Variants in HHAT observed in about 807,000 individuals in gnomAD.
The protein encoded by HHAT is hedgehog acyltransferase.
In HHAT, 47 loss-of-function variants were observed where a neutral mutation model predicts 70.8. The observed-to-expected ratio is 0.66, with a 90% CI of 0.53 to 0.85. The LOEUF is 0.85. Ranked by LOEUF, HHAT falls within the 40% of genes least tolerant of loss-of-function variation. The pLI, the probability that HHAT is intolerant of heterozygous loss-of-function variation, is 0.00. For missense variants in HHAT, 609 were observed against 604.8 expected (o/e 1.01, Z -0.07); for synonymous variants, 228 against 247.6 (o/e 0.92, Z 0.74).
chr1:210,368,578 A>G (rs1182171489), intron 3 of HHAT, among the ~76,000 whole-genome samples: 1 of 151,894 alleles, frequency 6.6e-6, no homozygotes, highest in Non-Finnish European at 1.5e-5. Context: ...GGCATGAGCC[A>G]CTGTGCCTGG....
chr1:210,628,961 G>A (rs1457184235), intron 11 of HHAT, among the ~76,000 whole-genome samples: 3 of 152,098 alleles, frequency 2.0e-5, no homozygotes, highest in Non-Finnish European at 4.4e-5. Flanking sequence ...TTTGTTTCGC[G>A]GTCTTTCCTA....
At chr1:210,398,820 A>G (rs1397329794) in intron 4 of HHAT, among the ~76,000 whole-genome samples, 1 of 152,200 alleles carries the variant, frequency 6.6e-6, no homozygotes, top group East Asian at 1.9e-4. Flanking sequence ...CTCTGCCCAG[A>G]GGTGAGGGTT....
At chr1:210,606,020 TA>T (rs953812023) in intron 10 of HHAT, among the ~76,000 whole-genome samples, 1 of 151,954 alleles carries the variant, frequency 6.6e-6, no homozygotes, top group Non-Finnish European at 1.5e-5. Flanking sequence ...CACACCTGGC[TA>T]ATTTTTTTTT....
At chr1:210,609,607 C>T in intron 10 of HHAT, among the ~76,000 whole-genome samples, 1 of 152,094 alleles carries the variant, frequency 6.6e-6, no homozygotes, top group East Asian at 1.9e-4. Flanking sequence ...CAGATCATCT[C>T]GTCTCCTAGG....
intron 8 of HHAT, among the ~76,000 whole-genome samples, chr1:210,477,855 C>T (rs746400099): frequency 2.0e-5 from 3 of 152,104 alleles, no homozygotes; most frequent in Non-Finnish European, 4.4e-5. Context: ...AATGGACTTG[C>T]AGAGGCTTGG....
At chr1:210,556,411 G>A (rs946944228) in intron 9 of HHAT, among the ~76,000 whole-genome samples, 2 of 152,124 alleles carry the variant, frequency 1.3e-5, no homozygotes, top group Admixed American at 6.5e-5. Flanking sequence ...ATATTTGTTA[G>A]GTGCATGAAT....
rs142953723 is a variant in HHAT at position 210,568,104 on chromosome 1, C to T, written c.1044-19794C>T. The stretch of plus-strand genomic sequence containing the variant: ...AGCCCCATCCCTCAACCTCTGGGAA[C>T]GGGAGAGTGGCTGAAGGTTAAGCTG... On this transcript the variant is annotated intron_variant, in intron 9 of 11. Coordinates refer to ENST00000261458, the MANE Select transcript of HHAT (RefSeq NM_018194.6). 6.0e-4 allele frequency among the ~76,000 whole-genome samples: 92 copies of T among 152,306 alleles called. No homozygotes were observed. The Middle Eastern group carries it at 0.017, about 28-fold the overall frequency.
chr1:210,400,644 G>C lies in HHAT; in HGVS notation c.450G>C (p.Gln150His). Residue 150 changes from glutamine (Q) to histidine (H), a missense_variant, in exon 5 of 12, where the codon CAG (glutamine) becomes CAC (histidine). By Grantham distance (24) the Gln-to-His change is conservative. Coordinates refer to ENST00000261458, the MANE Select transcript of HHAT (RefSeq NM_018194.6). ...TCCTCCTCTCCACACTGAGGCTGCA[G>C]GGTGTGGAAGAAGTTAAGGTAAGTG... ...SLLLLSTLRL[Q>H]GVEEVKRRWY... The C allele has an allele frequency of 3.7e-6, 6 of 1,612,978 alleles. No homozygotes were observed. Among genetic ancestry groups the C allele is most frequent in the Non-Finnish European group, 4.2e-6 (5 of 1,179,642 alleles).
intron 9 of HHAT, among the ~76,000 whole-genome samples, chr1:210,517,211 G>A (rs1302768075): frequency 1.3e-5 from 2 of 152,188 alleles, no homozygotes; most frequent in African/African-American, 4.8e-5. Context: ...TTTAAATTTA[G>A]CTTAGTTTAG....
chr1:210,631,224 C>T (rs1670802920), intron 11 of HHAT: 3 of 415,720 alleles, frequency 7.2e-6, no homozygotes, highest in Admixed American at 5.4e-5. Flanking sequence ...TCTCTCTCTG[C>T]TCTGTGAGGC....
intron 4 of HHAT, among the ~76,000 whole-genome samples, chr1:210,400,184 C>G (rs1019081085): frequency 4.6e-5 from 7 of 151,822 alleles, no homozygotes; most frequent in Non-Finnish European, 7.4e-5. Flanking sequence ...TTGTGTGACC[C>G]AGGGGTCTGG....
At position 210,420,675 on chromosome 1, in the gene HHAT, C is replaced by CAA. The variant is rs35291878; in HGVS notation, c.856+2360_856+2361dup. 2.1e-5 allele frequency among the ~76,000 whole-genome samples: 3 copies of CAA among 143,164 alleles called. No homozygotes were observed. In the South Asian group the frequency reaches 6.7e-4, roughly 32 times the overall value. The allele number at this position is 143,164 out of a possible 152,430, so 93.9% of individuals were successfully genotyped here. A position where few individuals can be genotyped will look rare whatever the true frequency, so the allele number is the denominator to read the frequency against. On this transcript the variant is annotated intron_variant, in intron 7 of 11. Transcript: ENST00000261458. ...ATAATAATAATAAAATTTAAAAAAA[C>CAA]AAAAAAAAAAACAAAGAAATACATT...
intron 11 of HHAT, among the ~76,000 whole-genome samples, chr1:210,625,867 CAT>C (rs1441106475): frequency 6.6e-6 from 1 of 152,220 alleles, no homozygotes; most frequent in East Asian, 1.9e-4. Context: ...GGTGCTCAAA[CAT>C]GTGACATTTC....
At chr1:210,474,835 T>C (rs945799616) in intron 8 of HHAT, among the ~76,000 whole-genome samples, 11 of 148,380 alleles carry the variant, frequency 7.4e-5, no homozygotes, top group Non-Finnish European at 1.2e-4. Flanking sequence ...TTTTTTTTTT[T>C]CCGTTTTTTT....
intron 10 of HHAT, chr1:210,590,341 C>G (rs938858559): frequency 1.3e-5 from 2 of 151,918 alleles, no homozygotes; most frequent in African/African-American, 4.8e-5. Context: ...GACTTACTGG[C>G]TTTGTGAGTT....
rs567280727 is a variant in HHAT, at chr1:210,377,266, A to G, written c.160-10202A>G. ...ATTTGTTCTCTAGTCATCTCATTCT[A>G]TTACATTTTTTTCATCATCTCCAAT... On this transcript the variant is annotated intron_variant, in intron 3 of 11. Coordinates refer to ENST00000261458, the MANE Select transcript of HHAT (RefSeq NM_018194.6). Among the ~76,000 whole-genome samples the G allele has an allele frequency of 5.9e-5, 9 of 152,260 alleles. No individual in the cohort carries two copies. The South Asian group carries it at 1.2e-3, about 21-fold the overall frequency.
At chr1:210,510,095 T>C (rs1438641359) in intron 8 of HHAT, among the ~76,000 whole-genome samples, 1 of 152,202 alleles carries the variant, frequency 6.6e-6, no homozygotes, top group Non-Finnish European at 1.5e-5. Context: ...TCAGAGATTG[T>C]TATATTTTAT....
intron 10 of HHAT, among the ~76,000 whole-genome samples, chr1:210,604,714 GATTT>G (rs1323254074): frequency 1.3e-5 from 2 of 152,100 alleles, no homozygotes; most frequent in Admixed American, 6.6e-5. Context: ...CTGGATGCTT[GATTT>G]ATGTTAAAAA....
chr1:210,655,521 G>C (rs1201285504), intron 11 of HHAT, among the ~76,000 whole-genome samples: 1 of 152,184 alleles, frequency 6.6e-6, no homozygotes, highest in Non-Finnish European at 1.5e-5. Flanking sequence ...TCTTGCTGGA[G>C]GTGCAGAGGA....
Sources: gnomAD v4.1 joint callset for allele counts (sites outside exome capture counted in the v4.1 genomes callset) on GRCh38, gnomAD v4.1.1 for gene constraint, MANE v1.5 for transcripts, NCBI Gene and HGNC (gene_info 2026-07-23, HGNC 2026-07-21) for gene names.